The following ROBO1 variants were observed in gnomAD, a reference collection of about 807,000 sequenced individuals.
ROBO1 encodes roundabout homolog 1.
A neutral mutation model predicts 195.9 loss-of-function variants in ROBO1; 149 were observed. That is an observed-to-expected ratio of 0.76 (90% CI 0.67 to 0.87). ROBO1 has a LOEUF of 0.87. ROBO1 is among the 40% of genes least tolerant of loss of function. ROBO1 has a pLI of 0.00. For missense variants in ROBO1, 1,933 were observed against 2,068.3 expected (o/e 0.93, Z 1.27); for synonymous variants, 816 against 733.2 (o/e 1.11, Z -1.82).
At chr3:79,073,552 T>G (rs1576641897) in intron 3 of ROBO1, among the ~76,000 whole-genome samples, 1 of 151,988 alleles carries the variant, frequency 6.6e-6, no homozygotes, top group African/African-American at 2.4e-5. Flanking sequence ...CCATGCAGTC[T>G]TTGATAGAGG....
At chr3:79,274,135 A>T (rs2108980879) in intron 2 of ROBO1, among the ~76,000 whole-genome samples, 1 of 152,134 alleles carries the variant, frequency 6.6e-6, no homozygotes, top group Middle Eastern at 3.4e-3. Context: ...AAGAAATATC[A>T]GACTTAATCT....
chr3:78,818,595 A>G (rs1031916418), intron 4 of ROBO1, among the ~76,000 whole-genome samples: 1 of 152,320 alleles, frequency 6.6e-6, no homozygotes. Context: ...AGCGCCTTGG[A>G]GGCTGAACTG....
chr3:79,046,903 T>C (rs1358749843), intron 3 of ROBO1, among the ~76,000 whole-genome samples: 1 of 152,158 alleles, frequency 6.6e-6, no homozygotes, highest in East Asian at 1.9e-4. Flanking sequence ...TAATGTTTGT[T>C]ATAAGCTTTT....
intron 2 of ROBO1, among the ~76,000 whole-genome samples, chr3:79,159,305 A>G (rs1213968120): frequency 1.3e-5 from 2 of 152,022 alleles, no homozygotes; most frequent in Non-Finnish European, 2.9e-5. Context: ...AGGGTAAATT[A>G]TTATCTAAAT....
intron 4 of ROBO1, among the ~76,000 whole-genome samples, chr3:78,777,057 C>T (rs2083528597): frequency 6.6e-6 from 1 of 151,900 alleles, no homozygotes; most frequent in South Asian, 2.1e-4. Flanking sequence ...TTATTAACTC[C>T]ATTGGGTATT....
chr3:79,756,363 A>C (rs1704396155), intron 1 of ROBO1, among the ~76,000 whole-genome samples: 1 of 152,066 alleles, frequency 6.6e-6, no homozygotes, highest in Non-Finnish European at 1.5e-5. Context: ...CAGCCTGAAC[A>C]ACAAGGTGAA....
chr3:78,599,454 T>TA (rs1257542520), intron 30 of ROBO1, among the ~76,000 whole-genome samples: 1 of 152,212 alleles, frequency 6.6e-6, no homozygotes, highest in African/African-American at 2.4e-5. Context: ...GCTTCTACTA[T>TA]AAAAAGTTGT....
chr3:79,268,915 A>G (rs2030252892), intron 2 of ROBO1, among the ~76,000 whole-genome samples: 1 of 151,724 alleles, frequency 6.6e-6, no homozygotes, highest in Admixed American at 6.6e-5. Flanking sequence ...TTTTTTGGAC[A>G]TTCTATATAT....
chr3:79,122,391 A>C (rs1236714411), intron 3 of ROBO1, among the ~76,000 whole-genome samples: 1 of 152,050 alleles, frequency 6.6e-6, no homozygotes, highest in Non-Finnish European at 1.5e-5. Flanking sequence ...AAAACCTTAC[A>C]TGGCTTTATA....
intron 2 of ROBO1, among the ~76,000 whole-genome samples, chr3:79,555,869 T>G (rs980948023): frequency 2.6e-5 from 4 of 152,142 alleles, no homozygotes; most frequent in Admixed American, 6.6e-5. Flanking sequence ...TTAGAGCTAA[T>G]GTACTGGGAA....
chr3:78,714,615 C>T (rs978921531), intron 7 of ROBO1, 91 bp from the exon 8 acceptor site: 68 of 1,155,310 alleles, frequency 5.9e-5, no homozygotes, highest in Non-Finnish European at 7.2e-5. Context: ...GCACATGCTA[C>T]ATTCTTTTCT....
At chr3:79,199,850 T>C (rs1372482527) in intron 2 of ROBO1, among the ~76,000 whole-genome samples, 2 of 151,786 alleles carry the variant, frequency 1.3e-5, no homozygotes, top group East Asian at 3.9e-4. Context: ...TTTATGGCGA[T>C]GGTAAAGTGT....
At chr3:79,494,053 T>C in intron 2 of ROBO1, among the ~76,000 whole-genome samples, 1 of 152,212 alleles carries the variant, frequency 6.6e-6, no homozygotes, top group African/African-American at 2.4e-5. Flanking sequence ...CTAAAAGTCA[T>C]GTAAGAATAA....
At chr3:79,394,353 G>C (rs140795495) in intron 2 of ROBO1, among the ~76,000 whole-genome samples, 2 of 152,030 alleles carry the variant, frequency 1.3e-5, no homozygotes, top group Non-Finnish European at 2.9e-5. Context: ...TCACTTAAAC[G>C]TCTTCAAAAT....
intron 3 of ROBO1, among the ~76,000 whole-genome samples, chr3:79,001,161 A>G (rs2077495196): frequency 6.6e-6 from 1 of 152,028 alleles, no homozygotes; most frequent in South Asian, 2.1e-4. Context: ...TAGGACAAAT[A>G]CCTAATGCAT....
intron 2 of ROBO1, among the ~76,000 whole-genome samples, chr3:79,580,280 T>A (rs1175434776): frequency 6.6e-6 from 1 of 151,948 alleles, no homozygotes; most frequent in African/African-American, 2.4e-5. Flanking sequence ...GACTCCAGCC[T>A]GACAAACGTG....
intron 3 of ROBO1, among the ~76,000 whole-genome samples, chr3:79,052,174 C>T (rs571187484): frequency 3.3e-5 from 5 of 151,976 alleles, no homozygotes; most frequent in Non-Finnish European, 7.4e-5. Flanking sequence ...CAAGTAATAG[C>T]CCTGGGAAAG....
intron 2 of ROBO1, among the ~76,000 whole-genome samples, chr3:79,171,198 A>G (rs1397718778): frequency 6.7e-6 from 1 of 150,118 alleles, no homozygotes; most frequent in Non-Finnish European, 1.5e-5. Flanking sequence ...TAATAATTAC[A>G]CATATTATGT....
chr3:78,950,059 G>C (rs376872408), intron 3 of ROBO1, among the ~76,000 whole-genome samples: 1 of 152,124 alleles, frequency 6.6e-6, no homozygotes, highest in Non-Finnish European at 1.5e-5. Flanking sequence ...TTCCACTGTT[G>C]GTGGGACTGT....
Sources: gnomAD v4.1 joint callset for allele counts (sites outside exome capture counted in the v4.1 genomes callset) on GRCh38, gnomAD v4.1.1 for gene constraint, MANE v1.5 for transcripts, NCBI Gene and HGNC (gene_info 2026-07-23, HGNC 2026-07-21) for gene names.